The following CADM2 variants were observed in gnomAD, a reference collection of about 807,000 sequenced individuals.
The protein encoded by CADM2 is cell adhesion molecule 2.
Under a neutral mutation model 49.8 loss-of-function variants are expected in CADM2, and 12 were observed. The observed-to-expected ratio is 0.24, with a 90% CI of 0.15 to 0.39. The LOEUF (loss-of-function observed/expected upper bound fraction) is 0.39. CADM2 is among the 10% of genes least tolerant of loss of function. The pLI is 1.00. For missense variants in CADM2, 378 were observed against 492.3 expected (o/e 0.77, Z 2.20); for synonymous variants, 214 against 175.4 (o/e 1.22, Z -1.74).
intron 5 of CADM2, among the ~76,000 whole-genome samples, chr3:85,887,318 A>G (rs550306880): frequency 1.2e-4 from 18 of 152,214 alleles, no homozygotes; most frequent in African/African-American, 4.1e-4. Context: ...TCTGGGCTAA[A>G]GTGACCCTCC....
chr3:85,105,594 G>T (rs1485924167), intron 1 of CADM2, among the ~76,000 whole-genome samples: 1 of 152,078 alleles, frequency 6.6e-6, no homozygotes, highest in Non-Finnish European at 1.5e-5. Context: ...CCATTACTGG[G>T]TATATACCCA....
At chr3:85,188,578 GT>G (rs1290117018) in intron 1 of CADM2, among the ~76,000 whole-genome samples, 7 of 150,858 alleles carry the variant, frequency 4.6e-5, no homozygotes, top group African/African-American at 7.3e-5. Context: ...AATTCAAGTT[GT>G]TTTTTTTCAT....
intron 1 of CADM2, among the ~76,000 whole-genome samples, chr3:85,115,640 A>G (rs2038612107): frequency 6.6e-6 from 1 of 152,200 alleles, no homozygotes; most frequent in East Asian, 1.9e-4. Context: ...TTTGGTAAAA[A>G]TCTAGGATTA....
At chr3:85,048,631 A>C (rs980036096) in intron 1 of CADM2, among the ~76,000 whole-genome samples, 6 of 152,200 alleles carry the variant, frequency 3.9e-5, no homozygotes, top group African/African-American at 1.4e-4. Flanking sequence ...AAAATTATCA[A>C]GATATACTTA....
chr3:85,895,256 T>C (rs558847403), intron 5 of CADM2, among the ~76,000 whole-genome samples: 19 of 152,288 alleles, frequency 1.2e-4, no homozygotes, highest in African/African-American at 4.6e-4. Flanking sequence ...AGCCCACCTC[T>C]TGCATCAGTG....
At chr3:85,778,344 A>T (rs746531456) in intron 2 of CADM2, among the ~76,000 whole-genome samples, 16 of 152,110 alleles carry the variant, frequency 1.1e-4, no homozygotes, top group Non-Finnish European at 2.2e-4. Context: ...TCTGAATATA[A>T]CTTACATGGT....
chr3:85,511,436 A>T (rs896685079), intron 1 of CADM2, among the ~76,000 whole-genome samples: 1 of 152,032 alleles, frequency 6.6e-6, no homozygotes, highest in Non-Finnish European at 1.5e-5. Context: ...CCTGTTTTTT[A>T]AAATTTTTCA....
intron 7 of CADM2, among the ~76,000 whole-genome samples, chr3:85,953,867 T>C (rs1329194971): frequency 6.6e-6 from 1 of 150,888 alleles, no homozygotes; most frequent in Non-Finnish European, 1.5e-5. Flanking sequence ...TTATCTGTCT[T>C]AAGATATAAG....
chr3:84,986,565 G>A (rs2032563244), intron 1 of CADM2, among the ~76,000 whole-genome samples: 1 of 151,688 alleles, frequency 6.6e-6, no homozygotes, highest in East Asian at 1.9e-4. Context: ...AGAACACATG[G>A]ACACAGGAAG....
At chr3:85,729,636 C>T (rs2067849887) in intron 2 of CADM2, among the ~76,000 whole-genome samples, 1 of 152,144 alleles carries the variant, frequency 6.6e-6, no homozygotes, top group South Asian at 2.1e-4. Context: ...GGAAGGAGGA[C>T]TCTATGAAGA....
intron 2 of CADM2, among the ~76,000 whole-genome samples, chr3:85,777,294 T>C (rs2107977822): frequency 6.8e-6 from 1 of 147,560 alleles, no homozygotes; most frequent in Non-Finnish European, 1.5e-5. Context: ...CTCACTCTGT[T>C]GCCCAGGCTG....
intron 1 of CADM2, among the ~76,000 whole-genome samples, chr3:85,493,334 G>C (rs941373817): frequency 7.2e-5 from 11 of 151,954 alleles, no homozygotes; most frequent in Middle Eastern, 3.4e-3. Context: ...TTCTTTTATT[G>C]TTCTGACATA....
At chr3:85,143,779 G>C (rs2107632854) in intron 1 of CADM2, among the ~76,000 whole-genome samples, 1 of 152,034 alleles carries the variant, frequency 6.6e-6, no homozygotes, top group East Asian at 1.9e-4. Flanking sequence ...TTCTATTCTT[G>C]GCTCCCTTCA....
intron 8 of CADM2, among the ~76,000 whole-genome samples, chr3:86,000,961 T>C (rs1475127943): frequency 1.3e-5 from 2 of 151,964 alleles, no homozygotes; most frequent in Non-Finnish European, 2.9e-5. Flanking sequence ...CCAGAGGGGA[T>C]GGTGGGAGAA....
intron 1 of CADM2, among the ~76,000 whole-genome samples, chr3:85,703,338 A>C (rs2066842124): frequency 6.6e-6 from 1 of 152,048 alleles, no homozygotes; most frequent in Non-Finnish European, 1.5e-5. Flanking sequence ...CTACTTCTTG[A>C]TGATTAGTAT....
At chr3:85,517,949 A>G (rs1232214336) in intron 1 of CADM2, among the ~76,000 whole-genome samples, 1 of 152,122 alleles carries the variant, frequency 6.6e-6, no homozygotes, top group Non-Finnish European at 1.5e-5. Flanking sequence ...GCCTCTTTCA[A>G]TACTTTCTTC....
At chr3:85,326,003 T>C (rs1195835889) in intron 1 of CADM2, among the ~76,000 whole-genome samples, 1 of 152,214 alleles carries the variant, frequency 6.6e-6, no homozygotes, top group East Asian at 1.9e-4. Flanking sequence ...AGACCTCATG[T>C]TTGAAACATA....
At chr3:85,702,975 T>A (rs1410089868) in intron 1 of CADM2, among the ~76,000 whole-genome samples, 1 of 152,198 alleles carries the variant, frequency 6.6e-6, no homozygotes, top group African/African-American at 2.4e-5. Context: ...AGATGTCAAC[T>A]ATGAAACTAG....
intron 1 of CADM2, among the ~76,000 whole-genome samples, chr3:85,163,497 G>A (rs1290961963): frequency 1.3e-5 from 2 of 151,890 alleles, no homozygotes; most frequent in Non-Finnish European, 2.9e-5. Context: ...AGGACACACC[G>A]ATACTATATA....
Sources: allele counts gnomAD v4.1 joint callset (sites outside exome capture counted in the v4.1 genomes callset), GRCh38; gene constraint gnomAD v4.1.1; transcripts MANE v1.5; gene names NCBI Gene and HGNC (gene_info 2026-07-23, HGNC 2026-07-21).